The following SEC14L5 variants were observed in gnomAD, a reference collection of about 807,000 sequenced individuals.
SEC14L5 encodes SEC14 like lipid binding 5, also known as SEC14-like protein 5.
A neutral mutation model predicts 84.6 loss-of-function variants in SEC14L5; 96 were observed. That is an observed-to-expected ratio of 1.13 (90% CI 0.96 to 1.34). The LOEUF is 1.34. SEC14L5 is among the 40% of genes most tolerant of loss of function. The pLI is 0.00. For synonymous variants in SEC14L5, 546 were observed against 383.4 expected, an observed-to-expected ratio of 1.42 and a Z score of -4.95; for missense variants, 1,224 against 942.5, an observed-to-expected ratio of 1.30 and a Z score of -3.91.
rs200783407 is a variant in SEC14L5 at position 4,992,029 on chromosome 16, C to G, written c.666C>G (p.Asp222Glu). The G allele has an allele frequency of 6.4e-7, 1 of 1,560,036 alleles. No homozygotes were observed. Among genetic ancestry groups the G allele is most frequent in the South Asian group, 1.2e-5 (1 of 85,710 alleles). ...LGPALEAVSM[D>E]GDKLDADYIE... ...CCGCTCTGGAGGCGGTCAGTATGGACGGTAGGTGGTACAGCCCAGGCCAGT... is the reference window on the plus strand; with the variant it reads ...CCGCTCTGGAGGCGGTCAGTATGGAGGGTAGGTGGTACAGCCCAGGCCAGT... Residue 222 changes from aspartate (D) to glutamate (E), a missense_variant and splice_region_variant, in exon 6 of 16, where the codon GAC becomes GAG. Coordinates refer to ENST00000251170, the MANE Select transcript of SEC14L5 (RefSeq NM_014692.2).
At position 5,005,248 on chromosome 16, in the gene SEC14L5, C is replaced by T. The variant is rs566879935; in HGVS notation, c.1303-666C>T. On this transcript the variant is annotated intron_variant, in intron 11 of 15. Coordinates refer to ENST00000251170, the MANE Select transcript of SEC14L5 (RefSeq NM_014692.2). ...GAGAATCACTTGAACCTGGGAGGTG[C>T]AGCTTGCAGTGAGCCAAGATTGCGC... Among the ~76,000 whole-genome samples the T allele has an allele frequency of 7.9e-5, 12 of 151,570 alleles. No individual in the cohort carries two copies. In the East Asian group the frequency reaches 1.4e-3, roughly 17 times the overall value.
intron 14 of SEC14L5, 158 bp from the exon 15 acceptor site, chr16:5,010,937 G>A: frequency 4.6e-6 from 3 of 655,660 alleles, no homozygotes; most frequent in Middle Eastern, 4.3e-4. Context: ...GGCTTCCAGA[G>A]GCCCTGACAG....
At chr16:5,005,027 A>G (rs1955715433) in intron 11 of SEC14L5, among the ~76,000 whole-genome samples, 1 of 152,322 alleles carries the variant, frequency 6.6e-6, no homozygotes, top group East Asian at 1.9e-4. Flanking sequence ...TGTGCAGAAT[A>G]GGGCTGGGCG....
chr16:4,998,819 G>A (rs1004669712), intron 8 of SEC14L5, among the ~76,000 whole-genome samples: 7 of 151,140 alleles, frequency 4.6e-5, no homozygotes, highest in South Asian at 4.2e-4. Context: ...CTAAAGAACC[G>A]GCTGGCATGG....
chr16:4,961,326 C>G (rs903656319), intron 2 of SEC14L5, among the ~76,000 whole-genome samples: 4 of 152,028 alleles, frequency 2.6e-5, no homozygotes, highest in African/African-American at 9.7e-5. Flanking sequence ...TTTTCTGAGC[C>G]CCATTTTCTT....
At chr16:4,987,331 C>G (rs1337810364) in intron 2 of SEC14L5, among the ~76,000 whole-genome samples, 2 of 152,008 alleles carry the variant, frequency 1.3e-5, no homozygotes, top group East Asian at 1.9e-4. Context: ...AATGCAGAGG[C>G]AAAACTTATG....
chr16:5,000,987 T>A, intron 10 of SEC14L5, 62 bp downstream of exon 10: 1 of 1,293,986 alleles, frequency 7.7e-7, no homozygotes, highest in East Asian at 2.5e-5. Context: ...TGGAGAGGGG[T>A]CCACTGTGCA....
chr16:4,988,579 C>G lies in SEC14L5; in HGVS notation c.345+299C>G, dbSNP rs1054245647. Among the ~76,000 whole-genome samples the G allele has an allele frequency of 2.6e-5, 4 of 152,136 alleles. No individual in the cohort carries two copies. The East Asian group carries it at 5.8e-4, about 22-fold the overall frequency. ...GTTTTATCTGTTAAATCTGACAACC[C>G]TATCCTCTCCCTCCTCTTTCCCCTC... On this transcript the variant is annotated intron_variant, in intron 4 of 15. Coordinates refer to ENST00000251170, the MANE Select transcript of SEC14L5 (RefSeq NM_014692.2).
chr16:4,965,714 G>T (rs137980481), intron 2 of SEC14L5, among the ~76,000 whole-genome samples: 10 of 144,802 alleles, frequency 6.9e-5, no homozygotes, highest in African/African-American at 2.6e-4. Flanking sequence ...GAATGGTACC[G>T]GTTATTCAAT....
intron 2 of SEC14L5, among the ~76,000 whole-genome samples, chr16:4,979,920 T>G (rs1955399334): frequency 6.6e-6 from 1 of 152,212 alleles, no homozygotes; most frequent in African/African-American, 2.4e-5. Context: ...CCAGGTCCCC[T>G]GCTTTGCGAG....
At chr16:5,001,511 G>A (rs567926114) in intron 10 of SEC14L5, among the ~76,000 whole-genome samples, 7 of 152,064 alleles carry the variant, frequency 4.6e-5, no homozygotes, top group Admixed American at 2.0e-4. Context: ...CGCCTGCCTC[G>A]GCCTCCCAAA....
At chr16:5,003,624 G>GCCCCCCC in intron 11 of SEC14L5, 51 bp downstream of exon 11, 1 of 305,308 alleles carries the variant, frequency 3.3e-6, no homozygotes, top group Non-Finnish European at 6.5e-6. Flanking sequence ...GGTGGGATGG[G>GCCCCCCC]AGGGGTTCCG....
chr16:5,017,527 C>G lies in SEC14L5; in HGVS notation c.*2557C>G, dbSNP rs74005489. 6.6e-6 allele frequency: 1 copy of G among 152,224 alleles called. No homozygotes were observed. Among genetic ancestry groups the G allele is most frequent in the Admixed American group, 6.5e-5 (1 of 15,280 alleles). The allele number at this position is 152,224 out of a possible 1,614,324, so 9.4% of individuals were successfully genotyped here. A position where few individuals can be genotyped will look rare whatever the true frequency, so the allele number is the denominator to read the frequency against. On this transcript the variant is annotated 3_prime_UTR_variant, in exon 16 of 16. Coordinates refer to ENST00000251170, the MANE Select transcript of SEC14L5 (RefSeq NM_014692.2). ...AGCCTATAATTTCAGGATTCACACT[C>G]TAAGAGATGCTTTTCCATCTCAAAT...
intron 14 of SEC14L5, among the ~76,000 whole-genome samples, chr16:5,010,482 T>G (rs1002809469): frequency 1.3e-5 from 2 of 152,130 alleles, no homozygotes; most frequent in Non-Finnish European, 2.9e-5. Context: ...GGAATGTCAC[T>G]CTCTGACTCC....
At chr16:5,004,515 G>T (rs575534799) in intron 11 of SEC14L5, among the ~76,000 whole-genome samples, 1 of 152,110 alleles carries the variant, frequency 6.6e-6, no homozygotes, top group Non-Finnish European at 1.5e-5. Context: ...ACCAGTGACT[G>T]CAGTAAGCCT....
rs1255324051 is a variant in SEC14L5 at position 5,018,358 on chromosome 16, C to G, written c.*3388C>G. On this transcript the variant is annotated 3_prime_UTR_variant, in exon 16 of 16. Transcript: ENST00000251170. ...TTGCCCTCTGAGTTGGGTGTGCAGT[C>G]TTTCTCTTTTAGAAACTGCTTGTGT... 6.6e-6 allele frequency: 1 copy of G among 152,234 alleles called. No homozygotes were observed. Among genetic ancestry groups the G allele is most frequent in the Non-Finnish European group, 1.5e-5 (1 of 68,038 alleles). The allele number at this position is 152,234 out of a possible 1,614,324, so 9.4% of individuals were successfully genotyped here. A position where few individuals can be genotyped will look rare whatever the true frequency, so the allele number is the denominator to read the frequency against.
intron 11 of SEC14L5, 42 bp downstream of exon 11, chr16:5,003,615 G>GTT: frequency 1.4e-6 from 1 of 700,262 alleles, no homozygotes; most frequent in Non-Finnish European, 2.2e-6. Flanking sequence ...CTGGGGGTGG[G>GTT]TGGGATGGGA....
At chr16:4,975,885 G>A (rs1429690513) in intron 2 of SEC14L5, among the ~76,000 whole-genome samples, 1 of 152,144 alleles carries the variant, frequency 6.6e-6, no homozygotes, top group Admixed American at 6.6e-5. Flanking sequence ...GAATAGAAAA[G>A]GGAAGGGAGA....
In SEC14L5 at chr16:5,008,439, G is replaced by C; in HGVS notation, c.1591G>C (p.Glu531Gln). The C allele has an allele frequency of 1.2e-6, 2 of 1,613,118 alleles. No homozygotes were observed. Among genetic ancestry groups the C allele is most frequent in the Non-Finnish European group, 1.7e-6 (2 of 1,179,564 alleles). ...APHEVAVEIL[E>Q]GESVITWDFD... is the part of the protein sequence containing the mutation. The stretch of plus-strand genomic sequence containing the variant: ...CACACAGGTGGCCGTGGAGATCCTG[G>C]AAGGAGAGTCGGTCATCACCTGGGA... Residue 531 changes from glutamate (E) to glutamine (Q), a missense_variant, in exon 14 of 16, where the codon GAA (glutamate) becomes CAA (glutamine). Physicochemically the swap from Glu to Gln is conservative, Grantham distance 29. Transcript: ENST00000251170.
Sources: allele counts gnomAD v4.1 joint callset (sites outside exome capture counted in the v4.1 genomes callset), GRCh38; gene constraint gnomAD v4.1.1; transcripts MANE v1.5; gene names NCBI Gene and HGNC (gene_info 2026-07-23, HGNC 2026-07-21).